Variants in PALM2AKAP2 observed in about 807,000 individuals in gnomAD.
The protein encoded by PALM2AKAP2 is PALM2 and AKAP2 fusion, also known as PALM2-AKAP2 fusion protein.
Under a neutral mutation model 71.5 loss-of-function variants are expected in PALM2AKAP2, and 37 were observed. The ratio of observed to expected loss-of-function variants is 0.52; its 90% CI spans 0.40 to 0.68. The LOEUF is 0.68. Ranked by LOEUF, PALM2AKAP2 falls within the 30% of genes least tolerant of loss-of-function variation. PALM2AKAP2 has a pLI of 0.00. For missense variants in PALM2AKAP2, 1,224 were observed against 1,191.8 expected (o/e 1.03, Z -0.40); for synonymous variants, 468 against 478.8 (o/e 0.98, Z 0.29).
intron 6 of PALM2AKAP2, among the ~76,000 whole-genome samples, chr9:109,989,824 C>T (rs1400028115): frequency 1.3e-5 from 2 of 152,188 alleles, no homozygotes; most frequent in African/African-American, 4.8e-5. Context: ...CTGCCCCCTC[C>T]ACCATTCGCC....
chr9:109,949,421 G>A (rs1819848753), intron 6 of PALM2AKAP2, among the ~76,000 whole-genome samples: 1 of 152,200 alleles, frequency 6.6e-6, no homozygotes, highest in Non-Finnish European at 1.5e-5. Flanking sequence ...TGAGTAGGAT[G>A]ATATGGGTGA....
chr9:109,724,553 T>C lies in PALM2AKAP2; in HGVS notation c.6-55935T>C, dbSNP rs974271247. On this transcript the variant is annotated intron_variant, in intron 1 of 6. Coordinates refer to the PALM2AKAP2 transcript ENST00000374531. ...GCAGGAACACAGAAATTGAACAGAG[T>C]CAAGTATCTAAAAACAAATCTTGTG... 2.0e-5 allele frequency among the ~76,000 whole-genome samples: 3 copies of C among 152,002 alleles called. No homozygotes were observed. In the East Asian group the frequency reaches 5.8e-4, roughly 29 times the overall value.
At chr9:109,813,479 G>A (rs975174469) in intron 1 of PALM2AKAP2, among the ~76,000 whole-genome samples, 8 of 152,222 alleles carry the variant, frequency 5.3e-5, no homozygotes, top group South Asian at 2.1e-4. Context: ...TGAAGCTGCC[G>A]CTTTTTAATG....
At chr9:110,144,268 C>T (rs1042904189) in intron 2 of PALM2AKAP2, among the ~76,000 whole-genome samples, 3 of 152,232 alleles carry the variant, frequency 2.0e-5, no homozygotes, top group African/African-American at 7.2e-5. Context: ...GCAAGGCAGG[C>T]ACCAACTGTG....
chr9:109,867,175 T>TGTGTGTGA, intron 1 of PALM2AKAP2: 1 of 415,502 alleles, frequency 2.4e-6, no homozygotes, highest in Non-Finnish European at 4.8e-6. Flanking sequence ...TGTGTGTGTG[T>TGTGTGTGA]GTGTGTGTGT....
chr9:109,680,081 A>T (rs954232731), intron 1 of PALM2AKAP2, among the ~76,000 whole-genome samples: 2 of 152,226 alleles, frequency 1.3e-5, no homozygotes, highest in African/African-American at 4.8e-5. Flanking sequence ...TCTGGGAACT[A>T]ACCACTTTTG....
In PALM2AKAP2 at chr9:109,722,631, G is replaced by A. The variant is rs137906288; in HGVS notation, c.6-57857G>A. On this transcript the variant is annotated intron_variant, in intron 1 of 6. Transcript: ENST00000374531. ...TACAAAAAATATGAAAATTAGCCAG[G>A]CGTGGTGGCATGCACCCGTAGACCC... is the stretch of plus-strand genomic sequence containing the variant. 2.8e-3 allele frequency among the ~76,000 whole-genome samples: 423 copies of A among 152,194 alleles called. 2 individuals carry two copies. Among genetic ancestry groups the A allele is most frequent in the Non-Finnish European group, 3.9e-3 (266 of 68,004 alleles).
In PALM2AKAP2 at chr9:110,092,702, G is replaced by T. The variant is rs569992024; in HGVS notation, c.157-43425G>T. Among the ~76,000 whole-genome samples, 60 of 152,232 alleles carry T rather than the reference G, an allele frequency of 3.9e-4. No homozygotes were observed. In the South Asian group the frequency reaches 0.012, roughly 31 times the overall value. ...GTAAAGGTACAGGGATAGACTTGAG[G>T]CATTGTGGGATCTAGAAATTCAAAC... On this transcript the variant is annotated intron_variant, in intron 1 of 3. Coordinates refer to ENST00000374525, the Ensembl canonical transcript of PALM2AKAP2.
chr9:110,142,067 A>C (rs12006007), intron 2 of PALM2AKAP2, among the ~76,000 whole-genome samples: 8,345 of 132,136 alleles, frequency 0.063, 908 homozygotes, highest in African/African-American at 0.22. Flanking sequence ...TTCTTATTTT[A>C]CTTTTTTTTT....
intron 6 of PALM2AKAP2, among the ~76,000 whole-genome samples, chr9:110,001,569 AG>A (rs946447860): frequency 6.6e-6 from 1 of 152,174 alleles, no homozygotes; most frequent in Non-Finnish European, 1.5e-5. Flanking sequence ...TGGTAGCTTG[AG>A]GGGGATGGCA....
At chr9:109,651,672 G>A (rs1827227235) in intron 1 of PALM2AKAP2, among the ~76,000 whole-genome samples, 1 of 152,148 alleles carries the variant, frequency 6.6e-6, no homozygotes, top group Non-Finnish European at 1.5e-5. Flanking sequence ...ATAGGGAAGA[G>A]ATATTGAGTG....
intron 1 of PALM2AKAP2, among the ~76,000 whole-genome samples, chr9:110,099,702 G>C (rs539275520): frequency 1.4e-4 from 22 of 152,072 alleles, no homozygotes; most frequent in Non-Finnish European, 7.4e-5. Context: ...TAGGAGTCCC[G>C]AGAAAACAAA....
intron 1 of PALM2AKAP2, among the ~76,000 whole-genome samples, chr9:109,818,105 ATATTT>A: frequency 1.3e-5 from 2 of 152,188 alleles, no homozygotes; most frequent in East Asian, 1.9e-4. Flanking sequence ...AACCCCGCAC[ATATTT>A]TTGGAATGAG....
chr9:109,672,539 T>G lies in PALM2AKAP2; in HGVS notation c.5+31673T>G, dbSNP rs192622275. On this transcript the variant is annotated intron_variant, in intron 1 of 6. Transcript: ENST00000374531. The stretch of plus-strand genomic sequence containing the variant: ...TTGAGGATTTTTGCATTGATTTTCA[T>G]CAAGAATATTGGCTTAAAGTTTTCT... Among the ~76,000 whole-genome samples, 19 of 152,308 alleles carry G rather than the reference T, an allele frequency of 1.2e-4. No individual in the cohort carries two copies. In the East Asian group the frequency reaches 3.7e-3, roughly 29 times the overall value.
At chr9:109,700,002 C>T (rs1828029638) in intron 1 of PALM2AKAP2, among the ~76,000 whole-genome samples, 2 of 152,152 alleles carry the variant, frequency 1.3e-5, no homozygotes, top group Non-Finnish European at 2.9e-5. Context: ...TCTTGATCTC[C>T]TGACCTCGTA....
At chr9:109,868,516 A>T (rs1360653140) in intron 2 of PALM2AKAP2, among the ~76,000 whole-genome samples, 1 of 152,108 alleles carries the variant, frequency 6.6e-6, no homozygotes, top group African/African-American at 2.4e-5. Flanking sequence ...TTTCGGGGTG[A>T]TGCTCGGTAT....
intron 1 of PALM2AKAP2, among the ~76,000 whole-genome samples, chr9:109,730,458 A>G (rs1828539565): frequency 6.6e-6 from 1 of 152,188 alleles, no homozygotes; most frequent in Non-Finnish European, 1.5e-5. Context: ...ATGTCAACTT[A>G]TTCTAGAATG....
At chr9:110,116,347 A>C (rs1247376662) in intron 1 of PALM2AKAP2, among the ~76,000 whole-genome samples, 1 of 152,150 alleles carries the variant, frequency 6.6e-6, no homozygotes, top group Non-Finnish European at 1.5e-5. Context: ...ACTCAAATTT[A>C]ATGAGCCCGT....
exon 2 of PALM2AKAP2, chr9:110,138,292 G>T (rs139897209): frequency 8.2e-5 from 133 of 1,614,054 alleles, no homozygotes; most frequent in Non-Finnish European, 1.9e-5. Context: ...GCAAGTACTC[G>T]GAGGCAGCTG....
Sources: gnomAD v4.1 joint callset for allele counts (sites outside exome capture counted in the v4.1 genomes callset) on GRCh38, gnomAD v4.1.1 for gene constraint, MANE v1.5 for transcripts, NCBI Gene and HGNC (gene_info 2026-07-23, HGNC 2026-07-21) for gene names.